The following NCALD variants were observed in gnomAD, a reference collection of about 807,000 sequenced individuals.
NCALD encodes neurocalcin-delta.
Under a neutral mutation model 18.6 loss-of-function variants are expected in NCALD, and 10 were observed. That is an observed-to-expected ratio of 0.54 (90% confidence interval 0.33 to 0.91). The LOEUF is 0.91. Ranked by LOEUF, NCALD falls within the 40% of genes least tolerant of loss-of-function variation. NCALD has a pLI of 0.03. For missense variants in NCALD, 184 were observed against 247.6 expected (o/e 0.74, Z 1.72); for synonymous variants, 88 against 87.4 (o/e 1.01, Z -0.04).
Position 101,819,319 on chromosome 8 carries a change from T to C in NCALD, c.-20+67822A>G, listed in dbSNP as rs551026888. Among the ~76,000 whole-genome samples the C allele has an allele frequency of 6.6e-5, 10 of 151,772 alleles. No individual in the cohort carries two copies. The East Asian group carries it at 1.9e-3, about 29-fold the overall frequency. On this transcript the variant is annotated intron_variant, in intron 4 of 6. Transcript: ENST00000311028. ...TATTTATTTATTGTTCTTAGTTTAA[T>C]AAATGCCAAATAGTAGCTTAACATC... is the stretch of plus-strand genomic sequence containing the variant.
intron 4 of NCALD, among the ~76,000 whole-genome samples, chr8:101,837,099 G>T (rs1814444891): frequency 6.6e-6 from 1 of 152,110 alleles, no homozygotes; most frequent in African/African-American, 2.4e-5. Flanking sequence ...CCTGCTCTCA[G>T]ACCTAGGGGA....
chr8:101,724,430 T>C (rs1402726505), intron 1 of NCALD, among the ~76,000 whole-genome samples: 1 of 152,256 alleles, frequency 6.6e-6, no homozygotes, highest in East Asian at 1.9e-4. Flanking sequence ...ATAAAAATGC[T>C]TGGCTTCAAA....
intron 4 of NCALD, among the ~76,000 whole-genome samples, chr8:101,812,545 CG>C (rs1444542250): frequency 1.3e-5 from 2 of 152,146 alleles, no homozygotes; most frequent in East Asian, 3.9e-4. Context: ...GAAACTTCAC[CG>C]TGAAATCCTC....
chr8:101,707,576 T>C (rs1312001278), intron 2 of NCALD, among the ~76,000 whole-genome samples: 1 of 152,224 alleles, frequency 6.6e-6, no homozygotes, highest in African/African-American at 2.4e-5. Context: ...TATTTCCAAA[T>C]GCCTTCCTTC....
At chr8:101,910,354 G>A (rs1287579286) in intron 3 of NCALD, among the ~76,000 whole-genome samples, 45 of 152,184 alleles carry the variant, frequency 3.0e-4, no homozygotes, top group Non-Finnish European at 1.8e-4. Context: ...ATGGTGGCAG[G>A]TGGGCATTGA....
chr8:102,060,141 TG>T lies in NCALD; in HGVS notation c.-209-39853del, dbSNP rs1326170616. ...AACTACAGGCATGTGCCACCATGCCTGGCTAATTTTTTTGTATTTTCGGTAC... is the reference window on the plus strand; with the variant it reads ...AACTACAGGCATGTGCCACCATGCCTGCTAATTTTTTTGTATTTTCGGTAC... On this transcript the variant is annotated intron_variant, in intron 1 of 6. Transcript: ENST00000311028. 5.3e-5 allele frequency among the ~76,000 whole-genome samples: 8 copies of T among 152,224 alleles called. No homozygotes were observed. The South Asian group carries it at 1.7e-3, about 32-fold the overall frequency.
chr8:102,104,008 T>C (rs1170099909), intron 1 of NCALD, among the ~76,000 whole-genome samples: 1 of 152,152 alleles, frequency 6.6e-6, no homozygotes, highest in African/African-American at 2.4e-5. Flanking sequence ...AAGTTATATC[T>C]ACAAATACAC....
chr8:101,936,367 C>T (rs776060605), intron 2 of NCALD, among the ~76,000 whole-genome samples: 1 of 151,974 alleles, frequency 6.6e-6, no homozygotes, highest in Non-Finnish European at 1.5e-5. Flanking sequence ...AAGGCATATG[C>T]AAAGCAGTGA....
intron 2 of NCALD, among the ~76,000 whole-genome samples, chr8:102,019,914 A>C (rs1822214789): frequency 6.6e-6 from 1 of 152,210 alleles, no homozygotes; most frequent in South Asian, 2.1e-4. Context: ...AGAAGAGAAC[A>C]TCTTAAGGTG....
At chr8:102,024,461 A>G (rs189065069) in intron 1 of NCALD, among the ~76,000 whole-genome samples, 310 of 152,292 alleles carry the variant, frequency 2.0e-3, no homozygotes, top group Admixed American at 3.8e-3. Context: ...CTCCCTTACC[A>G]TTTACTGGGT....
chr8:102,078,399 A>C (rs574183950), intron 1 of NCALD, among the ~76,000 whole-genome samples: 13 of 152,326 alleles, frequency 8.5e-5, no homozygotes, highest in African/African-American at 3.1e-4. Context: ...TCTTTTAAAA[A>C]TGTGAATCAT....
chr8:102,063,935 C>T (rs559070171), intron 1 of NCALD, among the ~76,000 whole-genome samples: 4 of 152,176 alleles, frequency 2.6e-5, no homozygotes, highest in Non-Finnish European at 5.9e-5. Flanking sequence ...CCCAGAATTG[C>T]CCCACTTCCT....
At position 101,986,065 on chromosome 8, in the gene NCALD, G is replaced by C. The variant is rs1039148893; in HGVS notation, c.-157+34172C>G. The stretch of plus-strand genomic sequence containing the variant: ...CTTTTTTCTATTTTTTTGAGACAGA[G>C]TATCACTCTGTCGCCCAGGCAGTGG... On this transcript the variant is annotated intron_variant, in intron 2 of 6. Transcript: ENST00000311028. Among the ~76,000 whole-genome samples, 15 of 151,702 alleles carry C rather than the reference G, an allele frequency of 9.9e-5. 1 individual carries two copies. Among genetic ancestry groups the C allele is most frequent in the African/African-American group, 3.2e-4 (13 of 41,242 alleles).
At chr8:101,880,972 G>C (rs976377920) in intron 4 of NCALD, among the ~76,000 whole-genome samples, 6 of 152,108 alleles carry the variant, frequency 3.9e-5, no homozygotes, top group African/African-American at 1.2e-4. Flanking sequence ...TTATTTTTGA[G>C]ATAATCAGAA....
At chr8:101,741,951 AAAG>A (rs1157917910) in intron 1 of NCALD, among the ~76,000 whole-genome samples, 28 of 82,508 alleles carry the variant, frequency 3.4e-4, no homozygotes, top group African/African-American at 8.5e-4. Context: ...AAAAAAAAAA[AAAG>A]AAAAGAAAAA....
chr8:102,010,373 G>T (rs920458679), intron 2 of NCALD, among the ~76,000 whole-genome samples: 3 of 152,148 alleles, frequency 2.0e-5, no homozygotes, highest in African/African-American at 7.2e-5. Flanking sequence ...GGTGCCCAGG[G>T]ATCAGCAATT....
At chr8:101,770,889 C>G (rs575305970) in intron 1 of NCALD, among the ~76,000 whole-genome samples, 1 of 152,174 alleles carries the variant, frequency 6.6e-6, no homozygotes, top group South Asian at 2.1e-4. Flanking sequence ...TATTACAATG[C>G]AGGGTTAAGA....
At chr8:101,783,206 T>G (rs191298199) in intron 1 of NCALD, among the ~76,000 whole-genome samples, 1 of 152,156 alleles carries the variant, frequency 6.6e-6, no homozygotes, top group Non-Finnish European at 1.5e-5. Flanking sequence ...GAGAGTCTTC[T>G]TAAGGGAAGA....
chr8:101,703,934 A>T (rs1009385541), intron 2 of NCALD, among the ~76,000 whole-genome samples: 3 of 152,132 alleles, frequency 2.0e-5, no homozygotes, highest in Non-Finnish European at 4.4e-5. Context: ...GAACCAAGTG[A>T]AAGGATTAGA....
Sources: allele counts gnomAD v4.1 joint callset (sites outside exome capture counted in the v4.1 genomes callset), GRCh38; gene constraint gnomAD v4.1.1; transcripts MANE v1.5; gene names NCBI Gene and HGNC (gene_info 2026-07-23, HGNC 2026-07-21).